Variants in CEP170 observed in about 807,000 individuals in gnomAD.
The protein encoded by CEP170 is centrosomal protein 170, also known as centrosomal protein of 170 kDa.
Under a neutral mutation model 151.9 loss-of-function variants are expected in CEP170, and 21 were observed. The observed-to-expected ratio is 0.14, with a 90% CI of 0.10 to 0.20. The LOEUF (loss-of-function observed/expected upper bound fraction) is 0.20, where lower values mean the gene tolerates loss of function less well. CEP170 is among the 10% of genes least tolerant of loss of function. The pLI is 1.00. For synonymous variants in CEP170, 356 were observed against 648.8 expected, an observed-to-expected ratio of 0.55 and a Z score of 6.86; for missense variants, 964 against 1,892.9, an observed-to-expected ratio of 0.51 and a Z score of 9.11.
At chr1:243,212,142 C>T (rs557469098) in intron 3 of CEP170, among the ~76,000 whole-genome samples, 178 bp from the exon 4 acceptor site, 21 of 152,246 alleles carry the variant, frequency 1.4e-4, no homozygotes, top group African/African-American at 4.8e-4. Context: ...TTATACTAAG[C>T]CTTTTATCTC....
intron 1 of CEP170, among the ~76,000 whole-genome samples, chr1:243,254,026 C>T (rs1159080254): frequency 6.6e-6 from 1 of 151,986 alleles, no homozygotes; most frequent in East Asian, 1.9e-4. Flanking sequence ...ATTACCTGCC[C>T]AATGAAAAAA....
chr1:243,147,784 T>G (rs565809225), intron 14 of CEP170, among the ~76,000 whole-genome samples: 7 of 152,310 alleles, frequency 4.6e-5, no homozygotes, highest in African/African-American at 1.7e-4. Flanking sequence ...GACAAGGAAC[T>G]TCTACGTAAA....
chr1:243,168,872 G>A (rs1205758438), intron 12 of CEP170, among the ~76,000 whole-genome samples: 1 of 151,842 alleles, frequency 6.6e-6, no homozygotes, highest in Non-Finnish European at 1.5e-5. Flanking sequence ...ACATAGATTT[G>A]TAAGATTATT....
intron 3 of CEP170, among the ~76,000 whole-genome samples, chr1:243,214,153 T>C (rs1230110132): frequency 1.3e-5 from 2 of 152,170 alleles, no homozygotes; most frequent in Non-Finnish European, 2.9e-5. Flanking sequence ...CTGGAAGAGA[T>C]GATGTAGACA....
At chr1:243,241,370 T>C (rs910947532) in intron 1 of CEP170, among the ~76,000 whole-genome samples, 1 of 152,226 alleles carries the variant, frequency 6.6e-6, no homozygotes, top group African/African-American at 2.4e-5. Flanking sequence ...AATGTCATTA[T>C]AACTAAAATG....
chr1:243,190,942 A>G, intron 8 of CEP170, 76 bp downstream of exon 8: 4 of 1,451,502 alleles, frequency 2.8e-6, no homozygotes, highest in Non-Finnish European at 3.6e-6. Context: ...GTAAGTATCT[A>G]CTAGTAGTCT....
intron 15 of CEP170, among the ~76,000 whole-genome samples, chr1:243,141,814 AT>A (rs1291653315): frequency 6.6e-6 from 1 of 152,228 alleles, no homozygotes; most frequent in African/African-American, 2.4e-5. Context: ...TATATTACAT[AT>A]GTATTTCAAT....
intron 1 of CEP170, among the ~76,000 whole-genome samples, chr1:243,241,075 A>C (rs913016778): frequency 1.3e-5 from 2 of 152,356 alleles, no homozygotes; most frequent in East Asian, 1.9e-4. Context: ...AATAATATCT[A>C]AATGAACAGA....
chr1:243,209,229 G>C (rs1227119377), intron 4 of CEP170, among the ~76,000 whole-genome samples: 1 of 152,092 alleles, frequency 6.6e-6, no homozygotes, highest in African/African-American at 2.4e-5. Context: ...CTGTCACCCA[G>C]GCTGGAGTGC....
intron 14 of CEP170, among the ~76,000 whole-genome samples, chr1:243,142,874 A>G (rs1323841258): frequency 6.6e-6 from 1 of 152,220 alleles, no homozygotes; most frequent in Non-Finnish European, 1.5e-5. Flanking sequence ...CATTTCTTTC[A>G]ATTATAAATA....
At chr1:243,139,890 T>C (rs755763632) in intron 16 of CEP170, 47 bp downstream of exon 16, 15 of 1,582,128 alleles carry the variant, frequency 9.5e-6, no homozygotes, top group African/African-American at 1.4e-5. Flanking sequence ...TTCTTACTTA[T>C]GGAATATGCT....
chr1:243,199,451 T>C (rs928286182), intron 6 of CEP170, among the ~76,000 whole-genome samples: 1 of 152,092 alleles, frequency 6.6e-6, no homozygotes, highest in Non-Finnish European at 1.5e-5. Context: ...AATAGCTTTT[T>C]GTTAAGGTGT....
intron 14 of CEP170, among the ~76,000 whole-genome samples, chr1:243,155,306 G>A (rs2057448041): frequency 6.6e-6 from 1 of 152,084 alleles, no homozygotes; most frequent in Admixed American, 6.5e-5. Flanking sequence ...ACAATTCACA[G>A]AAGTCAATGA....
intron 10 of CEP170, among the ~76,000 whole-genome samples, chr1:243,178,641 A>G (rs2059412080): frequency 6.6e-6 from 1 of 152,098 alleles, no homozygotes; most frequent in African/African-American, 2.4e-5. Flanking sequence ...TGAATTGTAT[A>G]CTTTAAATGG....
At chr1:243,240,827 GGA>G (rs2064762673) in intron 1 of CEP170, among the ~76,000 whole-genome samples, 1 of 151,988 alleles carries the variant, frequency 6.6e-6, no homozygotes, top group African/African-American at 2.4e-5. Context: ...CAAGTAGCTG[GGA>G]TTACAGGTGC....
chr1:243,245,387 C>G (rs186044246), intron 1 of CEP170, among the ~76,000 whole-genome samples: 53 of 151,534 alleles, frequency 3.5e-4, no homozygotes, highest in African/African-American at 9.0e-4. Flanking sequence ...TGAGACCAGC[C>G]TAGGGAACAA....
chr1:243,133,773 G>C (rs2054704650), intron 17 of CEP170, among the ~76,000 whole-genome samples: 2 of 152,200 alleles, frequency 1.3e-5, no homozygotes, highest in Admixed American at 6.5e-5. Flanking sequence ...ACCTAGGAAT[G>C]ATGGAGTCAC....
At chr1:243,173,180 C>T (rs2058982363) in intron 10 of CEP170, among the ~76,000 whole-genome samples, 2 of 151,794 alleles carry the variant, frequency 1.3e-5, no homozygotes. Context: ...CCTGCCTCAG[C>T]TTCCCGAGTG....
Position 243,165,759 on chromosome 1 carries a change from G to A in CEP170, c.2201C>T (p.Thr734Ile). ...SSAPGKEKSETDKETSLVKQT... is the reference protein window; with the variant it reads ...SSAPGKEKSEIDKETSLVKQT... ...CTTTACCAAAGAAGTTTCCTTATCAGTTTCACTTTTCTCTTTTCCAGGAGC... is the reference window on the plus strand; with the variant it reads ...CTTTACCAAAGAAGTTTCCTTATCAATTTCACTTTTCTCTTTTCCAGGAGC... The change falls in exon 13 of 20, where the codon ACT becomes ATT. Residue 734 changes from threonine (T) to isoleucine (I), a missense_variant. Transcript: ENST00000366542. 6.2e-7 allele frequency: 1 copy of A among 1,614,056 alleles called. No homozygotes were observed. The highest frequency in any genetic ancestry group is 8.5e-7 in the Non-Finnish European group (1 of 1,179,900).
Sources: gnomAD v4.1 joint callset for allele counts (sites outside exome capture counted in the v4.1 genomes callset) on GRCh38, gnomAD v4.1.1 for gene constraint, MANE v1.5 for transcripts, NCBI Gene and HGNC (gene_info 2026-07-23, HGNC 2026-07-21) for gene names.